Variants in ARHGEF28 observed in about 807,000 individuals in gnomAD.
The protein encoded by ARHGEF28 is 190 kDa guanine nucleotide exchange factor.
Under a neutral mutation model 206.6 loss-of-function variants are expected in ARHGEF28, and 152 were observed. The ratio of observed to expected loss-of-function variants is 0.74; its 90% CI spans 0.64 to 0.84. The LOEUF is 0.84. Ranked by LOEUF, ARHGEF28 falls within the 40% of genes least tolerant of loss-of-function variation. The pLI, the probability that ARHGEF28 is intolerant of heterozygous loss-of-function variation, is 0.00. For missense variants in ARHGEF28, 2,028 were observed against 2,073.2 expected, an observed-to-expected ratio of 0.98 and a Z score of 0.42; for synonymous variants, 763 against 776.4, an observed-to-expected ratio of 0.98 and a Z score of 0.29.
At chr5:73,662,582 C>A (rs1460592831) in intron 1 of ARHGEF28, among the ~76,000 whole-genome samples, 1 of 152,184 alleles carries the variant, frequency 6.6e-6, no homozygotes, top group African/African-American at 2.4e-5. Context: ...GCAGATTATA[C>A]ATTTTTAATT....
intron 1 of ARHGEF28, among the ~76,000 whole-genome samples, chr5:73,682,433 T>C (rs1747168331): frequency 6.6e-6 from 1 of 151,966 alleles, no homozygotes; most frequent in Non-Finnish European, 1.5e-5. Context: ...TTTTTTTTTT[T>C]TGAGATTGAG....
chr5:73,864,995 A>G (rs1759623567), intron 17 of ARHGEF28, 123 bp downstream of exon 17: 1 of 807,240 alleles, frequency 1.2e-6, no homozygotes, highest in South Asian at 1.8e-5. Flanking sequence ...TAGCGATAAC[A>G]TAACATATGC....
chr5:73,653,888 T>C (rs180716466), intron 1 of ARHGEF28, among the ~76,000 whole-genome samples: 2 of 152,280 alleles, frequency 1.3e-5, no homozygotes, highest in Admixed American at 1.3e-4. Flanking sequence ...TGGAAGTGTA[T>C]ATGTGGTATG....
intron 1 of ARHGEF28, among the ~76,000 whole-genome samples, chr5:73,635,704 G>A (rs1179565062): frequency 6.6e-6 from 1 of 152,176 alleles, no homozygotes; most frequent in African/African-American, 2.4e-5. Context: ...TCTAATGTAA[G>A]TGTTGTCTTT....
chr5:73,732,835 A>G (rs1750697378), intron 2 of ARHGEF28, among the ~76,000 whole-genome samples: 1 of 152,212 alleles, frequency 6.6e-6, no homozygotes, highest in South Asian at 2.1e-4. Flanking sequence ...CATAGCGGAA[A>G]CACACAAACA....
At chr5:73,735,214 T>C (rs1017782384) in intron 2 of ARHGEF28, among the ~76,000 whole-genome samples, 55 of 150,856 alleles carry the variant, frequency 3.6e-4, no homozygotes, top group Non-Finnish European at 5.8e-4. Context: ...AATTAATACA[T>C]TTATTAATTT....
chr5:73,804,979 T>G lies in ARHGEF28; in HGVS notation c.1024+9588T>G, dbSNP rs531488629. The stretch of plus-strand genomic sequence containing the variant: ...CTTGTGGGTGTGGTGTCTACATAAA[T>G]TATTTGGAATTCTTCTACATGGGAA... On this transcript the variant is annotated intron_variant, in intron 9 of 35. Coordinates refer to ENST00000513042, the MANE Select transcript of ARHGEF28 (RefSeq NM_001177693.2). Among the ~76,000 whole-genome samples, 10 of 152,300 alleles carry G rather than the reference T, an allele frequency of 6.6e-5. No homozygotes were observed. In the East Asian group the frequency reaches 1.9e-3, roughly 29 times the overall value.
chr5:73,753,658 A>C (rs1338119183), intron 4 of ARHGEF28, among the ~76,000 whole-genome samples: 2 of 152,226 alleles, frequency 1.3e-5, no homozygotes, highest in African/African-American at 4.8e-5. Flanking sequence ...TGAAAGTGTC[A>C]GTGTCACTGA....
intron 9 of ARHGEF28, among the ~76,000 whole-genome samples, chr5:73,812,545 T>C (rs902762371): frequency 1.3e-5 from 2 of 152,212 alleles, no homozygotes; most frequent in Non-Finnish European, 2.9e-5. Context: ...GCTGTTGTGC[T>C]TGAGCTTATT....
rs1234006454 is a variant in ARHGEF28, at chr5:73,857,724, G to A, written c.1859G>A (p.Ser620Asn). The part of the protein sequence containing the change: ...AKSESEKYKV[S>N]RTFSFLMNRM... ...TCAGAGTCTGAAAAATATAAAGTGA[G>A]TCGAACTTTCAGTTTCCTCATGAAT... Residue 620 changes from serine (S) to asparagine (N), a missense_variant, in exon 15 of 36, where the codon AGT becomes AAT. Physicochemically the swap from Ser to Asn is conservative, Grantham distance 46 (BLOSUM62 1). Coordinates refer to ENST00000513042, the MANE Select transcript of ARHGEF28 (RefSeq NM_001177693.2). The A allele has an allele frequency of 6.2e-7, 1 of 1,612,366 alleles. No homozygotes were observed. Among genetic ancestry groups the A allele is most frequent in the African/African-American group, 1.3e-5 (1 of 74,862 alleles).
chr5:73,777,447 G>A (rs762505948), intron 6 of ARHGEF28, among the ~76,000 whole-genome samples: 2 of 152,056 alleles, frequency 1.3e-5, no homozygotes, highest in South Asian at 4.1e-4. Flanking sequence ...ACAAGACACA[G>A]GTCTCGTGAC....
intron 14 of ARHGEF28, among the ~76,000 whole-genome samples, chr5:73,856,164 T>G (rs1759022102): frequency 6.6e-6 from 1 of 152,198 alleles, no homozygotes; most frequent in Non-Finnish European, 1.5e-5. Context: ...CAAATTAGGA[T>G]GTGTAAGACA....
At chr5:73,673,578 G>C (rs141902421) in intron 1 of ARHGEF28, among the ~76,000 whole-genome samples, 639 of 152,242 alleles carry the variant, frequency 4.2e-3, no homozygotes, top group Middle Eastern at 0.01. Flanking sequence ...CCAATTACCA[G>C]TTACTGCTGA....
chr5:73,918,829 T>C lies in ARHGEF28; in HGVS notation c.4948+7254T>C, dbSNP rs368085934. On this transcript the variant is annotated intron_variant, in intron 35 of 35. Transcript: ENST00000513042. ...GCTGGCTATGCATCAGAGTTTGCTG[T>C]GGTGAACAAAAAAAAATACAGGTTC... Among the ~76,000 whole-genome samples, 70 of 152,208 alleles carry C rather than the reference T, an allele frequency of 4.6e-4. No homozygotes were observed. In the South Asian group the frequency reaches 0.013, roughly 28 times the overall value.
chr5:73,658,605 G>C (rs888149423), intron 1 of ARHGEF28, among the ~76,000 whole-genome samples: 1 of 152,138 alleles, frequency 6.6e-6, no homozygotes, highest in Admixed American at 6.5e-5. Flanking sequence ...GATATCTTCT[G>C]TTCAGAGTGA....
chr5:73,905,676 C>A (rs1762512067), intron 33 of ARHGEF28, among the ~76,000 whole-genome samples: 1 of 152,142 alleles, frequency 6.6e-6, no homozygotes, highest in Admixed American at 6.6e-5. Context: ...ATATTAAATT[C>A]AACTCTGTGG....
intron 7 of ARHGEF28, among the ~76,000 whole-genome samples, chr5:73,782,849 A>G (rs191669244): frequency 6.6e-6 from 1 of 152,344 alleles, no homozygotes; most frequent in Admixed American, 6.5e-5. Flanking sequence ...GCTTTCTGAT[A>G]AACTTGGAGC....
In ARHGEF28 at chr5:73,826,786, A is replaced by C. The variant is rs183655014; in HGVS notation, c.1025-5552A>C. 2.5e-3 allele frequency among the ~76,000 whole-genome samples: 375 copies of C among 152,190 alleles called. 2 individuals carry two copies. Among genetic ancestry groups the C allele is most frequent in the African/African-American group, 8.2e-3 (342 of 41,492 alleles). ...TATGGGTGGAATCTATTTACTTTCAATTGTCTCCCCTGTGTCACCTGATTA... is the reference window on the plus strand; with the variant it reads ...TATGGGTGGAATCTATTTACTTTCACTTGTCTCCCCTGTGTCACCTGATTA... On this transcript the variant is annotated intron_variant, in intron 9 of 35. Coordinates refer to ENST00000513042, the MANE Select transcript of ARHGEF28 (RefSeq NM_001177693.2).
chr5:73,893,473 C>T (rs984792890), intron 28 of ARHGEF28, 185 bp downstream of exon 28: 3 of 434,206 alleles, frequency 6.9e-6, no homozygotes, highest in Non-Finnish European at 1.2e-5. Flanking sequence ...TCTTCACTTC[C>T]ACCTTAGTGA....
Sources: gnomAD v4.1 joint callset for allele counts (sites outside exome capture counted in the v4.1 genomes callset) on GRCh38, gnomAD v4.1.1 for gene constraint, MANE v1.5 for transcripts, NCBI Gene and HGNC (gene_info 2026-07-23, HGNC 2026-07-21) for gene names.